The following USP22 variants were observed in gnomAD, a reference collection of about 807,000 sequenced individuals.
USP22 encodes the protein ubiquitin specific peptidase 22, also known as ubiquitin carboxyl-terminal hydrolase 22.
A neutral mutation model predicts 68.1 loss-of-function variants in USP22; 22 were observed. The ratio of observed to expected loss-of-function variants is 0.32; its 90% CI spans 0.23 to 0.46. The LOEUF is 0.46. USP22 is among the 20% of genes least tolerant of loss of function. USP22 has a pLI of 1.00. For missense variants in USP22, 433 were observed against 695.8 expected, an observed-to-expected ratio of 0.62 and a Z score of 4.25; for synonymous variants, 279 against 274.2, an observed-to-expected ratio of 1.02 and a Z score of -0.17.
intron 2 of USP22, among the ~76,000 whole-genome samples, chr17:21,024,574 T>G (rs1482055411): frequency 6.6e-6 from 1 of 152,104 alleles, no homozygotes; most frequent in African/African-American, 2.4e-5. Flanking sequence ...GAACCAGAAA[T>G]ATAAAACTCG....
intron 5 of USP22, among the ~76,000 whole-genome samples, chr17:21,017,273 C>A (rs1207143627): frequency 3.3e-5 from 5 of 152,228 alleles, no homozygotes; most frequent in Admixed American, 1.3e-4. Context: ...CAGGCCAGGG[C>A]TGTTGGCTGG....
rs1044414 is a variant in USP22 at position 21,001,138 on chromosome 17, A to G, written c.*1893T>C. The G allele has an allele frequency of 0.75, 113,456 of 151,998 alleles. 42,790 individuals carry two copies. The highest frequency in any genetic ancestry group is 0.82 in the South Asian group (3,966 of 4,814). 9.4% of individuals were successfully genotyped at this position (151,998 alleles called of 1,614,324 possible). A position where few individuals can be genotyped will look rare whatever the true frequency, so the allele number is the denominator to read the frequency against. The stretch of plus-strand genomic sequence containing the variant: ...CTTGGTCACATGGGACCATTTCTGA[A>G]AATCTCGGCCCATCTCTGTTTCTCT... On this transcript the variant is annotated 3_prime_UTR_variant, in exon 13 of 13. Coordinates refer to ENST00000261497, the MANE Select transcript of USP22 (RefSeq NM_015276.2).
chr17:21,010,613 G>A (rs1049586344), intron 8 of USP22, among the ~76,000 whole-genome samples: 17 of 141,922 alleles, frequency 1.2e-4, no homozygotes, highest in Non-Finnish European at 1.7e-4. Context: ...GCAGTGAGCA[G>A]AAATCGCACC....
chr17:21,015,708 G>A, intron 6 of USP22, 44 bp downstream of exon 6: 1 of 1,567,394 alleles, frequency 6.4e-7, no homozygotes, highest in Non-Finnish European at 8.6e-7. Flanking sequence ...CCCCTTCAAG[G>A]AAAACATCCT....
chr17:21,036,771 T>C (rs1348729005), intron 1 of USP22, among the ~76,000 whole-genome samples: 1 of 152,120 alleles, frequency 6.6e-6, no homozygotes, highest in Non-Finnish European at 1.5e-5. Context: ...TGAATATATA[T>C]CAAATTACAG....
chr17:21,026,301 G>T (rs962512120), intron 2 of USP22, among the ~76,000 whole-genome samples: 2 of 152,108 alleles, frequency 1.3e-5, no homozygotes, highest in African/African-American at 4.8e-5. Flanking sequence ...AGAAGATACA[G>T]GTATGTTTTG....
At chr17:21,026,000 C>T (rs8072149) in intron 2 of USP22, among the ~76,000 whole-genome samples, 51,638 of 152,156 alleles carry the variant, frequency 0.34, 9,354 homozygotes, top group African/African-American at 0.44. Flanking sequence ...TGGCTCATGC[C>T]TGTAATCCCA....
chr17:21,035,940 A>T (rs754097601), intron 1 of USP22, among the ~76,000 whole-genome samples: 23 of 148,774 alleles, frequency 1.5e-4, no homozygotes, highest in Non-Finnish European at 3.1e-4. Context: ...CTGAGGCAAG[A>T]GAATGGCGTG....
intron 5 of USP22, 48 bp downstream of exon 5, chr17:21,017,893 GA>G: frequency 6.3e-7 from 1 of 1,589,976 alleles, no homozygotes. Context: ...TTTTGAAGGT[GA>G]AAACAAAGTA....
rs376083428 is a variant in USP22, at chr17:21,018,023, G to A, written c.609C>T (p.Phe203=). 58 of 1,614,040 alleles carry A rather than the reference G, an allele frequency of 3.6e-5. No homozygotes were observed. Among genetic ancestry groups the A allele is most frequent in the Non-Finnish European group, 4.7e-5 (56 of 1,180,052 alleles). The part of the protein sequence containing the change: ...ALTHTPLLRD[F]FLSDRHRCEM... ...CACAGCGGTGCCTGTCAGACAGGAA[G>A]AAGTCCCGCAGAAGTGGCGTGTGGG... is the stretch of plus-strand genomic sequence containing the variant. Residue 203 remains phenylalanine, a synonymous_variant, in exon 5 of 13, where the codon TTC becomes TTT. Transcript: ENST00000261497.
chr17:21,008,112 C>T, intron 8 of USP22, 116 bp from the exon 9 acceptor site: 3 of 1,252,110 alleles, frequency 2.4e-6, no homozygotes, highest in Non-Finnish European at 3.2e-6. Context: ...AAAACATACA[C>T]TTACAACTAA....
At chr17:21,017,917 C>T (rs1352120752) in intron 5 of USP22, 25 bp downstream of exon 5, 17 of 1,608,798 alleles carry the variant, frequency 1.1e-5, no homozygotes, top group Non-Finnish European at 1.4e-5. Flanking sequence ...AGAAATGTTC[C>T]CCTGCAGAAG....
intron 3 of USP22, among the ~76,000 whole-genome samples, chr17:21,020,849 G>C (rs1458997470): frequency 6.6e-6 from 1 of 152,166 alleles, no homozygotes; most frequent in African/African-American, 2.4e-5. Flanking sequence ...CCCAGCTGCA[G>C]GCCCATGGGG....
chr17:21,002,368 G>A lies in USP22; in HGVS notation c.*663C>T, dbSNP rs1913613674. The A allele has an allele frequency of 6.6e-6, 1 of 152,262 alleles. No individual in the cohort carries two copies. Among genetic ancestry groups the A allele is most frequent in the Non-Finnish European group, 1.5e-5 (1 of 68,100 alleles). 9.4% of individuals were successfully genotyped at this position (152,262 alleles called of 1,614,324 possible). On this transcript the variant is annotated 3_prime_UTR_variant, in exon 13 of 13. Transcript: ENST00000261497. ...TATGAAATTCACCTTTGTGGAAAAA[G>A]GAGCGGGAGAGGGATAAGAAAATGC...
At chr17:21,035,066 C>T (rs1192444343) in intron 1 of USP22, among the ~76,000 whole-genome samples, 3 of 152,158 alleles carry the variant, frequency 2.0e-5, no homozygotes, top group Non-Finnish European at 4.4e-5. Flanking sequence ...GGGACACACA[C>T]TTGGACGGAA....
chr17:21,027,164 G>A (rs1490358929), intron 2 of USP22, among the ~76,000 whole-genome samples: 2 of 151,304 alleles, frequency 1.3e-5, no homozygotes, highest in Non-Finnish European at 2.9e-5. Flanking sequence ...GTCGTGGTGT[G>A]TGCCTGTGGT....
In USP22 at chr17:21,004,784, CAGCCA is replaced by C; in HGVS notation, c.1385+139_1385+143del. ...CGGCCTTTCCTAGTGGAGCTGCGGG[CAGCCA>C]ATAGTGGAGCTGCGGGCAGCCAAGC... On this transcript the variant is annotated intron_variant, in intron 11 of 12. Transcript: ENST00000261497. The C allele has an allele frequency of 2.3e-4, 34 of 146,920 alleles. 10 individuals are homozygous for C. Among genetic ancestry groups the C allele is most frequent in the South Asian group, 7.1e-4 (4 of 5,642 alleles). 9.1% of individuals were successfully genotyped at this position (146,920 alleles called of 1,614,324 possible).
chr17:21,007,543 G>A (rs1384588526), intron 9 of USP22, among the ~76,000 whole-genome samples: 1 of 152,188 alleles, frequency 6.6e-6, no homozygotes, highest in Non-Finnish European at 1.5e-5. Context: ...CATGCTGAGG[G>A]CCTTTGTCTT....
chr17:21,036,045 A>AAAAAAAAAAAAAG (rs1567593858), intron 1 of USP22, among the ~76,000 whole-genome samples: 115 of 151,022 alleles, frequency 7.6e-4, no homozygotes, highest in African/African-American at 2.7e-3. Context: ...AAAAAAAAAA[A>AAAAAAAAAAAAAG]AAAAAAAAAA....
Sources: allele counts gnomAD v4.1 joint callset (sites outside exome capture counted in the v4.1 genomes callset), GRCh38; gene constraint gnomAD v4.1.1; transcripts MANE v1.5; gene names NCBI Gene and HGNC (gene_info 2026-07-23, HGNC 2026-07-21).